BARD1: variants seen among roughly 807,000 people sequenced by gnomAD.
BARD1 encodes BRCA1 associated RING domain 1.
A neutral mutation model predicts 77.0 loss-of-function variants in BARD1; 73 were observed. The ratio of observed to expected loss-of-function variants is 0.95; its 90% CI spans 0.79 to 1.15. The LOEUF (loss-of-function observed/expected upper bound fraction) is 1.15. BARD1 is among the 50% of genes most tolerant of loss of function. The pLI is 0.00. For missense variants in BARD1, 993 were observed against 938.8 expected (o/e 1.06, Z -0.75); for synonymous variants, 384 against 338.0 (o/e 1.14, Z -1.49).
rs1446646798 is a variant in BARD1 at position 214,767,594 on chromosome 2, A to G, written c.1456T>C (p.Leu486=). 2 of 1,613,960 alleles carry G rather than the reference A, an allele frequency of 1.2e-6. No homozygotes were observed. Among genetic ancestry groups the G allele is most frequent in the African/African-American group, 1.3e-5 (1 of 74,916 alleles). Residue 486 remains leucine, a synonymous_variant, in exon 6 of 11, where the codon TTG becomes CTG. Coordinates refer to ENST00000260947, the MANE Select transcript of BARD1 (RefSeq NM_000465.4). ...TTTTGATACCCGGTGGTGTTCACCA[A>G]TGCCTTATGCTGGAGCAATAATTCC... ...VVELLLQHKA[L]VNTTGYQNDS... is the part of the protein sequence containing the mutation.
At chr2:214,766,588 T>C (rs556495418) in intron 6 of BARD1, among the ~76,000 whole-genome samples, 1 of 151,110 alleles carries the variant, frequency 6.6e-6, no homozygotes, top group African/African-American at 2.4e-5. Flanking sequence ...GTTATCCCCA[T>C]TGCTATCCAT....
chr2:214,770,747 C>A (rs1004228643), intron 4 of BARD1, among the ~76,000 whole-genome samples: 1 of 152,108 alleles, frequency 6.6e-6, no homozygotes, highest in Non-Finnish European at 1.5e-5. Flanking sequence ...AAAATAGCTT[C>A]CCTCTGCTGC....
chr2:214,771,563 C>A (rs530748495), intron 4 of BARD1, among the ~76,000 whole-genome samples: 47 of 151,784 alleles, frequency 3.1e-4, no homozygotes, highest in Middle Eastern at 3.4e-3. Flanking sequence ...TCCCGTCTCT[C>A]CTAAAAACAC....
intron 1 of BARD1, among the ~76,000 whole-genome samples, chr2:214,804,877 T>A (rs1337147014): frequency 6.6e-6 from 1 of 152,174 alleles, no homozygotes; most frequent in East Asian, 1.9e-4. Flanking sequence ...TCTATTCGCA[T>A]CTCGGCCTGG....
intron 6 of BARD1, among the ~76,000 whole-genome samples, chr2:214,761,025 T>C (rs6708693): frequency 0.61 from 91,871 of 149,992 alleles, 28,541 homozygotes; most frequent in East Asian, 0.84. Context: ...CCACCCGCCT[T>C]GGCTTCTCAA....
intron 7 of BARD1, among the ~76,000 whole-genome samples, chr2:214,751,117 G>GTGTGTGTATATA (rs1486423673): frequency 5.5e-4 from 9 of 16,278 alleles, no homozygotes; most frequent in Non-Finnish European, 1.2e-3. Flanking sequence ...GTGTGTGTGT[G>GTGTGTGTATATA]TATATATATA....
chr2:214,769,313 C>G lies in BARD1; in HGVS notation c.1315-1G>C, dbSNP rs1694367021. 6.2e-7 allele frequency: 1 copy of G among 1,611,696 alleles called. No homozygotes were observed. Among genetic ancestry groups the G allele is most frequent in the Middle Eastern group, 1.7e-4 (1 of 6,056 alleles). ...GGTATTCAACAGAAGGTATGTCGCC[C>G]TAGAAAAATGAACAAAACGGAAATT... On this transcript the variant is annotated splice_acceptor_variant, in intron 4 of 10. Coordinates refer to ENST00000260947, the MANE Select transcript of BARD1 (RefSeq NM_000465.4). LOFTEE classifies it high-confidence loss of function.
intron 1 of BARD1, among the ~76,000 whole-genome samples, chr2:214,799,104 G>A (rs1002878601): frequency 4.6e-5 from 7 of 151,894 alleles, no homozygotes; most frequent in East Asian, 1.9e-4. Context: ...GTGACAGAGC[G>A]AGACCCTGTA....
chr2:214,799,173 C>T (rs1416072614), intron 1 of BARD1, among the ~76,000 whole-genome samples: 6 of 151,532 alleles, frequency 4.0e-5, no homozygotes, highest in African/African-American at 9.7e-5. Context: ...TGGTAGTGCA[C>T]GCCTGTAATC....
chr2:214,741,110 A>G (rs1450732355), intron 9 of BARD1, among the ~76,000 whole-genome samples: 1 of 152,128 alleles, frequency 6.6e-6, no homozygotes, highest in Non-Finnish European at 1.5e-5. Flanking sequence ...CAGCTAAAAC[A>G]AAAATGAAAA....
chr2:214,779,352 T>C (rs893842442), intron 4 of BARD1, among the ~76,000 whole-genome samples: 12 of 152,226 alleles, frequency 7.9e-5, no homozygotes, highest in Admixed American at 7.9e-4. Flanking sequence ...CCTAATACAA[T>C]ATAAATGCTA....
At chr2:214,806,543 A>T (rs1392068200) in intron 1 of BARD1, among the ~76,000 whole-genome samples, 1 of 152,074 alleles carries the variant, frequency 6.6e-6, no homozygotes, top group East Asian at 1.9e-4. Flanking sequence ...TTGCAGAGAC[A>T]CCTACAGAGG....
chr2:214,760,528 A>G (rs1051426084), intron 6 of BARD1, among the ~76,000 whole-genome samples: 1 of 152,152 alleles, frequency 6.6e-6, no homozygotes, highest in Non-Finnish European at 1.5e-5. Context: ...ATGTATCAGG[A>G]TAAAACCTGG....
chr2:214,738,573 A>G (rs1288041495), intron 9 of BARD1, among the ~76,000 whole-genome samples: 1 of 152,178 alleles, frequency 6.6e-6, no homozygotes, highest in Admixed American at 6.5e-5. Context: ...TTTTAGCTGC[A>G]TGGACCACTG....
At chr2:214,755,809 G>C (rs1025523614) in intron 6 of BARD1, among the ~76,000 whole-genome samples, 15 of 152,162 alleles carry the variant, frequency 9.9e-5, no homozygotes, top group Admixed American at 5.9e-4. Flanking sequence ...AGCGTATGTT[G>C]CTGTGAAAAT....
Position 214,752,614 on chromosome 2 carries a change from T to C in BARD1, c.1569-59A>G, listed in dbSNP as rs1053852228. On this transcript the variant is annotated intron_variant, in intron 6 of 10. Coordinates refer to ENST00000260947, the MANE Select transcript of BARD1 (RefSeq NM_000465.4). ...TCAAATGTGTGACTCGACTCAATTT[T>C]TCAACATCCTTAATAATATACAATT... The C allele has an allele frequency of 1.1e-5, 13 of 1,186,326 alleles. No homozygotes were observed. The African/African-American group carries it at 2.0e-4, about 18-fold the overall frequency. The allele number at this position is 1,186,326 out of a possible 1,614,324, so 73.5% of individuals were successfully genotyped here.
At chr2:214,758,531 G>C (rs1180903084) in intron 6 of BARD1, among the ~76,000 whole-genome samples, 1 of 152,122 alleles carries the variant, frequency 6.6e-6, no homozygotes, top group Non-Finnish European at 1.5e-5. Context: ...TGATAATCTG[G>C]AAGTTTACTA....
intron 4 of BARD1, among the ~76,000 whole-genome samples, chr2:214,773,007 T>C (rs2106090803): frequency 6.6e-6 from 1 of 152,300 alleles, no homozygotes; most frequent in African/African-American, 2.4e-5. Context: ...TTATTAAAAA[T>C]TTTAAATGAA....
chr2:214,731,109 C>T, intron 9 of BARD1: 1 of 229,528 alleles, frequency 4.4e-6, no homozygotes, highest in Non-Finnish European at 9.0e-6. Flanking sequence ...GGTTGCTAGT[C>T]TAGAGATGAT....
Sources: gnomAD v4.1 joint callset for allele counts (sites outside exome capture counted in the v4.1 genomes callset) on GRCh38, gnomAD v4.1.1 for gene constraint, MANE v1.5 for transcripts, NCBI Gene and HGNC (gene_info 2026-07-23, HGNC 2026-07-21) for gene names.